The following SPATA6 variants were observed in gnomAD, a reference collection of about 807,000 sequenced individuals.
SPATA6 encodes spermatogenesis associated 6, also known as spermatogenesis-associated protein 6.
Under a neutral mutation model 65.3 loss-of-function variants are expected in SPATA6, and 56 were observed. The ratio of observed to expected loss-of-function variants is 0.86; its 90% CI spans 0.69 to 1.07. The LOEUF is 1.07. SPATA6 is among the 50% of genes least tolerant of loss of function. The pLI, the probability that SPATA6 is intolerant of heterozygous loss-of-function variation, is 0.00. For missense variants in SPATA6, 590 were observed against 594.8 expected, an observed-to-expected ratio of 0.99 and a Z score of 0.08; for synonymous variants, 199 against 213.2, an observed-to-expected ratio of 0.93 and a Z score of 0.58.
chr1:48,370,371 T>C (rs944043167), intron 9 of SPATA6, among the ~76,000 whole-genome samples: 1 of 152,182 alleles, frequency 6.6e-6, no homozygotes, highest in Non-Finnish European at 1.5e-5. Flanking sequence ...GAAAGTATGG[T>C]TCTGAAAGGG....
chr1:48,403,873 G>C lies in SPATA6; in HGVS notation c.415C>G (p.Pro139Ala). 6.2e-7 allele frequency: 1 copy of C among 1,608,248 alleles called. No individual in the cohort carries two copies. Among genetic ancestry groups the C allele is most frequent in the Admixed American group, 1.7e-5 (1 of 59,076 alleles). Residue 139 changes from proline to alanine, a missense_variant, in exon 6 of 13, where the codon CCA becomes GCA. By Grantham distance (27) the Pro-to-Ala change is conservative. Transcript: ENST00000371847. ...RRISGLRGNA[P>A]RLEFSTTSVI... ...GAAGTCGTAGAAAATTCCAGCCTTG[G>C]AGCATTTCCCTGAGAAGAAAAAAGA... is the stretch of plus-strand genomic sequence containing the variant.
intron 7 of SPATA6, 124 bp downstream of exon 7, chr1:48,399,227 G>A: frequency 8.9e-7 from 1 of 1,122,110 alleles, no homozygotes; most frequent in Non-Finnish European, 1.2e-6. Flanking sequence ...GACTGCTAGG[G>A]TAGCAGTCAG....
chr1:48,437,314 A>G (rs964475867), intron 3 of SPATA6: 14 of 1,488,708 alleles, frequency 9.4e-6, no homozygotes. Flanking sequence ...CGAGAATTAT[A>G]CTTGAAAATA....
At chr1:48,374,710 ATTCC>A (rs1249044775) in intron 9 of SPATA6, among the ~76,000 whole-genome samples, 1 of 152,084 alleles carries the variant, frequency 6.6e-6, no homozygotes, top group Non-Finnish European at 1.5e-5. Context: ...AACTGAACAA[ATTCC>A]TTCCTTATCA....
chr1:48,388,767 G>T (rs1649751508), intron 8 of SPATA6, among the ~76,000 whole-genome samples: 1 of 151,548 alleles, frequency 6.6e-6, no homozygotes, highest in African/African-American at 2.4e-5. Flanking sequence ...GGAGTGCAGT[G>T]GCACGATTTT....
chr1:48,368,538 A>G (rs1647113130), intron 9 of SPATA6, among the ~76,000 whole-genome samples: 2 of 152,002 alleles, frequency 1.3e-5, no homozygotes, highest in South Asian at 2.1e-4. Context: ...GCTTCATTTC[A>G]TTCATTTCAT....
At chr1:48,381,673 G>GT (rs1648619056) in intron 9 of SPATA6, among the ~76,000 whole-genome samples, 1 of 82,020 alleles carries the variant, frequency 1.2e-5, no homozygotes, top group African/African-American at 4.9e-5. Flanking sequence ...TATATGAATA[G>GT]TTAAATTTTT....
intron 1 of SPATA6, among the ~76,000 whole-genome samples, chr1:48,470,497 C>CT (rs1485410809): frequency 6.6e-6 from 1 of 152,164 alleles, no homozygotes; most frequent in Non-Finnish European, 1.5e-5. Flanking sequence ...ACAAGCAAAG[C>CT]TAGGGCTATG....
At chr1:48,466,017 AT>A (rs1468714873) in intron 1 of SPATA6, among the ~76,000 whole-genome samples, 1 of 152,122 alleles carries the variant, frequency 6.6e-6, no homozygotes, top group Non-Finnish European at 1.5e-5. Flanking sequence ...ATACCGAACA[AT>A]TAATACCACA....
At chr1:48,319,258 T>A (rs1248891160) in intron 11 of SPATA6, among the ~76,000 whole-genome samples, 2 of 152,132 alleles carry the variant, frequency 1.3e-5, no homozygotes, top group Non-Finnish European at 2.9e-5. Context: ...CATAGAAAAG[T>A]TGGATTTCAT....
intron 4 of SPATA6, 116 bp from the exon 5 acceptor site, chr1:48,411,704 C>T: frequency 2.2e-6 from 2 of 892,794 alleles, no homozygotes; most frequent in Non-Finnish European, 1.5e-6. Flanking sequence ...TGTTTTGGGT[C>T]ATGTTTATTT....
At chr1:48,352,720 T>C (rs1001706786) in intron 11 of SPATA6, among the ~76,000 whole-genome samples, 1 of 152,010 alleles carries the variant, frequency 6.6e-6, no homozygotes, top group Non-Finnish European at 1.5e-5. Context: ...GAGTTCTGCA[T>C]ACTGAATGGA....
chr1:48,404,716 A>ATAAGC (rs1282951288), intron 5 of SPATA6, among the ~76,000 whole-genome samples: 1 of 152,310 alleles, frequency 6.6e-6, no homozygotes, highest in African/African-American at 2.4e-5. Flanking sequence ...AACAGAAAAG[A>ATAAGC]TAAGTCTCTA....
the SPATA6 span, among the ~76,000 whole-genome samples, chr1:48,268,934 A>T: frequency 6.6e-6 from 1 of 152,196 alleles, no homozygotes; most frequent in Non-Finnish European, 1.5e-5. Context: ...TACCTCATGC[A>T]GTCTTCATAG....
the SPATA6 span, among the ~76,000 whole-genome samples, chr1:48,276,344 C>A: frequency 6.6e-6 from 1 of 151,742 alleles, no homozygotes. Flanking sequence ...TCATTCAGTT[C>A]TTCTCTGATC....
intron 10 of SPATA6, among the ~76,000 whole-genome samples, chr1:48,358,894 TATA>T (rs1360777814): frequency 7.9e-5 from 12 of 152,198 alleles, no homozygotes; most frequent in Non-Finnish European, 4.4e-5. Context: ...TTTGTTTTAA[TATA>T]GCATCCAAAC....
At chr1:48,372,166 C>T (rs1475264907) in intron 9 of SPATA6, among the ~76,000 whole-genome samples, 1 of 152,138 alleles carries the variant, frequency 6.6e-6, no homozygotes, top group East Asian at 1.9e-4. Flanking sequence ...CAAAAGTCCA[C>T]AGTCCAAAGT....
chr1:48,284,074 T>A, the SPATA6 span, among the ~76,000 whole-genome samples: 3 of 152,120 alleles, frequency 2.0e-5, no homozygotes, highest in Non-Finnish European at 4.4e-5. Flanking sequence ...ACCAATCAAA[T>A]GTAGGTTTGG....
At chr1:48,448,637 T>C (rs1656287560) in intron 3 of SPATA6, among the ~76,000 whole-genome samples, 1 of 152,144 alleles carries the variant, frequency 6.6e-6, no homozygotes, top group African/African-American at 2.4e-5. Context: ...ACAGTCCAAA[T>C]GTCCATCAAA....
Sources: gnomAD v4.1 joint callset for allele counts (sites outside exome capture counted in the v4.1 genomes callset) on GRCh38, gnomAD v4.1.1 for gene constraint, MANE v1.5 for transcripts, NCBI Gene and HGNC (gene_info 2026-07-23, HGNC 2026-07-21) for gene names.